The following ZMYM1 variants were observed in gnomAD, a reference collection of about 807,000 sequenced individuals.
ZMYM1 encodes the protein zinc finger MYM-type containing 1.
In ZMYM1, 39 loss-of-function variants were observed where a neutral mutation model predicts 60.0. The ratio of observed to expected loss-of-function variants is 0.65; its 90% CI spans 0.50 to 0.85. The LOEUF is 0.85. Ranked by LOEUF, ZMYM1 falls within the 40% of genes least tolerant of loss-of-function variation. The pLI is 0.00. For missense variants in ZMYM1, 1,171 were observed against 1,309.5 expected, an observed-to-expected ratio of 0.89 and a Z score of 1.63; for synonymous variants, 413 against 454.0, an observed-to-expected ratio of 0.91 and a Z score of 1.15.
chr1:35,093,953 T>A lies in ZMYM1; in HGVS notation c.-35T>A. The A allele has an allele frequency of 6.7e-7, 1 of 1,484,870 alleles. No homozygotes were observed. Among genetic ancestry groups the A allele is most frequent in the Non-Finnish European group, 9.2e-7 (1 of 1,088,276 alleles). 92.0% of individuals were successfully genotyped at this position (1,484,870 alleles called of 1,614,324 possible). A position where few individuals can be genotyped will look rare whatever the true frequency, so the allele number is the denominator to read the frequency against. On this transcript the variant is annotated 5_prime_UTR_variant, in exon 2 of 10. Transcript: ENST00000359858. ...TTCTTCAGGAAGAAACCCATTAGTT[T>A]GGAACTGGAGAATTCCTTTGCATCA...
At chr1:35,092,339 TC>T (rs1466052311) in intron 1 of ZMYM1, among the ~76,000 whole-genome samples, 1 of 151,752 alleles carries the variant, frequency 6.6e-6, no homozygotes, top group East Asian at 1.9e-4. Context: ...TTGAAGTGAT[TC>T]TCCTGCCTTA....
intron 1 of ZMYM1, among the ~76,000 whole-genome samples, chr1:35,073,566 GAAAGAAAAAAAGA>G: frequency 7.2e-6 from 1 of 137,934 alleles, no homozygotes; most frequent in Admixed American, 7.4e-5. Context: ...AGAAAGAAAG[GAAAGAAAAAAAGA>G]AAAGAAGAAA....
At chr1:35,107,102 C>T (rs1570012062) in intron 6 of ZMYM1, among the ~76,000 whole-genome samples, 1 of 150,422 alleles carries the variant, frequency 6.6e-6, no homozygotes, top group Non-Finnish European at 1.5e-5. Context: ...CCGCCCGCCT[C>T]GGCCTCCCAA....
At chr1:35,086,684 CT>C (rs926637860) in intron 1 of ZMYM1, among the ~76,000 whole-genome samples, 27 of 149,844 alleles carry the variant, frequency 1.8e-4, no homozygotes, top group African/African-American at 3.7e-4. Flanking sequence ...TTAAAAAATT[CT>C]TTTTTTTTCT....
intron 4 of ZMYM1, among the ~76,000 whole-genome samples, chr1:35,100,621 C>CAA (rs200864645): frequency 3.2e-4 from 35 of 108,378 alleles, no homozygotes; most frequent in African/African-American, 9.6e-4. Context: ...GACCCTGTCT[C>CAA]AAAAAAAAAA....
At chr1:35,090,382 T>C (rs1429004225) in intron 1 of ZMYM1, among the ~76,000 whole-genome samples, 1 of 152,106 alleles carries the variant, frequency 6.6e-6, no homozygotes, top group Non-Finnish European at 1.5e-5. Flanking sequence ...CCAATCTGTC[T>C]TTGAAAAAGA....
chr1:35,116,556 C>T (rs1644250571), downstream of ZMYM1, among the ~76,000 whole-genome samples: 1 of 152,200 alleles, frequency 6.6e-6, no homozygotes, highest in African/African-American at 2.4e-5. Flanking sequence ...CTCCCAGGTT[C>T]AAGTGATTGT....
chr1:35,103,507 A>G (rs1209331253), intron 4 of ZMYM1, among the ~76,000 whole-genome samples: 1 of 152,250 alleles, frequency 6.6e-6, no homozygotes, highest in Non-Finnish European at 1.5e-5. Flanking sequence ...TAGGCGAATA[A>G]TATTCCACTG....
downstream of ZMYM1, among the ~76,000 whole-genome samples, chr1:35,117,078 G>A (rs1251853992): frequency 2.0e-5 from 3 of 148,112 alleles, no homozygotes; most frequent in South Asian, 2.1e-4. Context: ...TGATCCGCCC[G>A]CCTCGGCCTC....
downstream of ZMYM1, among the ~76,000 whole-genome samples, chr1:35,118,435 A>G (rs1638541780): frequency 6.6e-6 from 1 of 151,852 alleles, no homozygotes; most frequent in Non-Finnish European, 1.5e-5. Flanking sequence ...TCATAAAATC[A>G]AGAAGTTGGG....
At chr1:35,086,233 T>G (rs1642647676) in intron 1 of ZMYM1, among the ~76,000 whole-genome samples, 1 of 152,098 alleles carries the variant, frequency 6.6e-6, no homozygotes, top group Non-Finnish European at 1.5e-5. Flanking sequence ...TTAAGGTTTT[T>G]TCCCAAAATT....
chr1:35,113,571 G>A lies in ZMYM1; in HGVS notation c.1741G>A (p.Val581Met). 1 of 1,613,720 alleles carries A rather than the reference G, an allele frequency of 6.2e-7. No homozygotes were observed. The highest frequency in any genetic ancestry group is 2.2e-5 in the East Asian group (1 of 44,834). The change falls in exon 10 of 10, where the codon GTG becomes ATG. Residue 581 changes from valine (V) to methionine (M), a missense_variant. By Grantham distance (21) the Val-to-Met change is conservative. Coordinates refer to ENST00000359858, the MANE Select transcript of ZMYM1 (RefSeq NM_024772.5). Reference protein sequence around the residue: ...LRGNDQSVSSVNKGNFLELLE... With the variant: ...LRGNDQSVSSMNKGNFLELLE... ...AGGAAACGACCAGTCAGTTTCATCT[G>A]TGAATAAAGGCAATTTTTTAGAATT...
intron 1 of ZMYM1, among the ~76,000 whole-genome samples, chr1:35,091,887 CAAAA>C (rs779081046): frequency 1.1e-3 from 95 of 84,520 alleles, no homozygotes; most frequent in African/African-American, 4.4e-3. Flanking sequence ...GATCTTGTCT[CAAAA>C]AAAAAAAAAA....
intron 3 of ZMYM1, 133 bp from the exon 4 acceptor site, chr1:35,097,184 C>T: frequency 3.0e-6 from 3 of 997,422 alleles, no homozygotes; most frequent in Non-Finnish European, 4.4e-6. Context: ...CGTATCACTA[C>T]ACTGCCTAGA....
At chr1:35,089,738 CTTTTTTTTTTT>C (rs71029065) in intron 1 of ZMYM1, among the ~76,000 whole-genome samples, 2 of 60,980 alleles carry the variant, frequency 3.3e-5, no homozygotes, top group African/African-American at 7.2e-5. Context: ...AGTTGTAAGG[CTTTTTTTTTTT>C]TTTTTTTTTT....
intron 1 of ZMYM1, among the ~76,000 whole-genome samples, chr1:35,083,782 G>T (rs1221931653): frequency 6.6e-6 from 1 of 151,852 alleles, no homozygotes; most frequent in Non-Finnish European, 1.5e-5. Flanking sequence ...ACCATGCCCA[G>T]CTAATTTTTC....
chr1:35,071,945 C>T (rs1642074954), intron 1 of ZMYM1, among the ~76,000 whole-genome samples: 1 of 152,152 alleles, frequency 6.6e-6, no homozygotes, highest in Non-Finnish European at 1.5e-5. Flanking sequence ...TCGAACCAGC[C>T]TGACCAACAT....
rs775398701 is a variant in ZMYM1, at chr1:35,097,480, T to C, written c.333T>C (p.Leu111=). The C allele has an allele frequency of 1.2e-6, 2 of 1,614,146 alleles. No individual in the cohort carries two copies. The highest frequency in any genetic ancestry group is 2.2e-5 in the South Asian group (2 of 91,076). Residue 111 remains leucine (L), a synonymous_variant, in exon 4 of 10, where the codon CTT becomes CTC. Transcript: ENST00000359858. Reference sequence around the variant, plus strand: ...ATCAGAGGAAAGGATCTGCTCAACTTTTCTGCTCCATACCATGCATCACTG... The same window carrying C: ...ATCAGAGGAAAGGATCTGCTCAACTCTTCTGCTCCATACCATGCATCACTG... The part of the protein sequence containing the change: ...TAYQRKGSAQ[L]FCSIPCITEY...
At position 35,113,031 on chromosome 1, in the gene ZMYM1, G is replaced by T. The variant is rs1232476176; in HGVS notation, c.1201G>T (p.Glu401Ter). 6.2e-7 allele frequency: 1 copy of T among 1,612,936 alleles called. No individual in the cohort carries two copies. The highest frequency in any genetic ancestry group is 8.5e-7 in the Non-Finnish European group (1 of 1,179,634). The change falls in exon 10 of 10, where the codon GAA becomes TAA. Residue 401 changes from glutamate to a stop codon, truncating the protein, a stop_gained. Coordinates refer to ENST00000359858, the MANE Select transcript of ZMYM1 (RefSeq NM_024772.5). LOFTEE classifies it low-confidence loss of function (END_TRUNC). ...PSNAVASSST[E>*]QPSVSPSSSV... is the part of the protein sequence containing the mutation. ...TAATGCTGTTGCTAGTAGTAGTACG[G>T]AACAGCCAAGCGTTTCACCATCTTC...
Sources: gnomAD v4.1 joint callset for allele counts (sites outside exome capture counted in the v4.1 genomes callset) on GRCh38, gnomAD v4.1.1 for gene constraint, MANE v1.5 for transcripts, NCBI Gene and HGNC (gene_info 2026-07-23, HGNC 2026-07-21) for gene names.